Variants in NXPH1 observed in about 807,000 individuals in gnomAD.
The protein encoded by NXPH1 is neurexophilin-1.
NXPH1 carries 5 observed loss-of-function variants against 23.7 expected under a neutral mutation model. The observed-to-expected ratio is 0.21, with a 90% confidence interval of 0.11 to 0.44. The LOEUF (loss-of-function observed/expected upper bound fraction) is 0.44. Ranked by LOEUF, NXPH1 falls within the 20% of genes least tolerant of loss-of-function variation. The probability of loss-of-function intolerance (pLI) is 0.99; values close to 1 mark genes in which losing one functional copy is unlikely to be tolerated. For missense variants in NXPH1, 324 were observed against 321.6 expected, an observed-to-expected ratio of 1.01 and a Z score of -0.06; for synonymous variants, 144 against 122.2, an observed-to-expected ratio of 1.18 and a Z score of -1.18.
intron 2 of NXPH1, among the ~76,000 whole-genome samples, chr7:8,445,646 A>G (rs993242518): frequency 6.6e-6 from 1 of 152,258 alleles, no homozygotes; most frequent in Non-Finnish European, 1.5e-5. Flanking sequence ...TCCTGGTTTT[A>G]AAGAGCCTTT....
Position 8,751,313 on chromosome 7 carries a change from A to T in NXPH1, c.360A>T (p.Gly120=). 1.9e-6 allele frequency: 3 copies of T among 1,613,954 alleles called. No individual in the cohort carries two copies. The highest frequency in any genetic ancestry group is 2.5e-6 in the Non-Finnish European group (3 of 1,179,862). The part of the protein sequence containing the change: ...VKTGKFKKMF[G]WGDFHSNIKT... ...CGGGCAAGTTTAAGAAAATGTTTGG[A>T]TGGGGCGATTTTCATTCCAACATCA... Residue 120 remains glycine, a synonymous_variant, in exon 3 of 3, where the codon GGA becomes GGT. Coordinates refer to ENST00000405863, the MANE Select transcript of NXPH1 (RefSeq NM_152745.3). The surrounding 1 kb of genome is among the most constrained non-coding windows in gnomAD (Gnocchi z 4.5).
chr7:8,550,540 T>G (rs1022163151), intron 2 of NXPH1, among the ~76,000 whole-genome samples: 1 of 151,532 alleles, frequency 6.6e-6, no homozygotes, highest in African/African-American at 2.4e-5. Context: ...GTGCTTCTGT[T>G]TTTCATTGAC....
intron 2 of NXPH1, among the ~76,000 whole-genome samples, chr7:8,558,214 CTGTT>C (rs1458126005): frequency 6.7e-6 from 1 of 148,218 alleles, no homozygotes; most frequent in African/African-American, 2.6e-5. Context: ...AAAATTGTAT[CTGTT>C]TATTTGGTTA....
chr7:8,680,089 G>A (rs1221970942), intron 2 of NXPH1, among the ~76,000 whole-genome samples: 1 of 152,246 alleles, frequency 6.6e-6, no homozygotes, highest in Non-Finnish European at 1.5e-5. Context: ...TTCATGACCT[G>A]ATTACTCTCA....
intron 2 of NXPH1, among the ~76,000 whole-genome samples, chr7:8,479,181 T>C: frequency 6.6e-6 from 1 of 152,060 alleles, no homozygotes; most frequent in East Asian, 1.9e-4. Flanking sequence ...AAACAGCAGA[T>C]TTAATAAAAT....
At chr7:8,676,392 A>C (rs1439507696) in intron 2 of NXPH1, among the ~76,000 whole-genome samples, 1 of 151,910 alleles carries the variant, frequency 6.6e-6, no homozygotes, top group Non-Finnish European at 1.5e-5. Context: ...TTTGCATAAC[A>C]CTCCACCTGA....
At chr7:8,668,474 C>G (rs899030123) in intron 2 of NXPH1, among the ~76,000 whole-genome samples, 2 of 152,196 alleles carry the variant, frequency 1.3e-5, no homozygotes, top group Non-Finnish European at 2.9e-5. Context: ...TTGGGTTCAG[C>G]AGGTAGGCAA....
chr7:8,523,987 G>A (rs1408114592), intron 2 of NXPH1, among the ~76,000 whole-genome samples: 3 of 152,132 alleles, frequency 2.0e-5, no homozygotes, highest in African/African-American at 7.2e-5. Flanking sequence ...GCTCATGCCT[G>A]TAATCCCAGC....
rs186541151 is a variant in NXPH1 at position 8,652,136 on chromosome 7, G to T, written c.55-98872G>T. 1.4e-4 allele frequency among the ~76,000 whole-genome samples: 21 copies of T among 151,978 alleles called. 1 individual carries two copies. Among genetic ancestry groups the T allele is most frequent in the Middle Eastern group, 6.8e-3 (2 of 292 alleles). ...CTAGCTTCAATCTCAACCTTTACTT[G>T]ACAAAATAAGTCTTCCATGTAAACA... On this transcript the variant is annotated intron_variant, in intron 2 of 2. Coordinates refer to ENST00000405863, the MANE Select transcript of NXPH1 (RefSeq NM_152745.3).
At chr7:8,501,123 T>C (rs1048426950) in intron 2 of NXPH1, among the ~76,000 whole-genome samples, 13 of 152,054 alleles carry the variant, frequency 8.5e-5, no homozygotes, top group African/African-American at 3.1e-4. Context: ...CTTTGAAAAA[T>C]CTATCAGCTG....
intron 2 of NXPH1, among the ~76,000 whole-genome samples, chr7:8,708,181 G>T (rs1342089754): frequency 1.3e-5 from 2 of 152,010 alleles, no homozygotes; most frequent in African/African-American, 4.8e-5. Flanking sequence ...TCTTCACTCA[G>T]AAAAATGATC....
chr7:8,514,721 T>C (rs140217832), intron 2 of NXPH1, among the ~76,000 whole-genome samples: 223 of 152,268 alleles, frequency 1.5e-3, no homozygotes, highest in African/African-American at 4.9e-3. Context: ...AAACAGACAC[T>C]GTGCAAGACT....
intron 2 of NXPH1, among the ~76,000 whole-genome samples, chr7:8,595,070 A>G (rs1161490213): frequency 6.6e-6 from 1 of 152,014 alleles, no homozygotes; most frequent in Non-Finnish European, 1.5e-5. Flanking sequence ...CTGGAGAATT[A>G]TTTGGCCCTA....
In NXPH1 at chr7:8,506,339, A is replaced by G. The variant is rs151270170; in HGVS notation, c.54+70572A>G. ...ATCCAGTGTCCTGAGACCTAGGAGC[A>G]AGGGACATGGGTCTTTCCATGTCTT... On this transcript the variant is annotated intron_variant, in intron 2 of 2. Transcript: ENST00000405863. 4.3e-3 allele frequency among the ~76,000 whole-genome samples: 650 copies of G among 152,220 alleles called. 11 individuals carry two copies. The highest frequency in any genetic ancestry group is 5.2e-3 in the Non-Finnish European group (353 of 67,974).
At chr7:8,694,558 C>A (rs1245079400) in intron 2 of NXPH1, among the ~76,000 whole-genome samples, 1 of 152,158 alleles carries the variant, frequency 6.6e-6, no homozygotes, top group Non-Finnish European at 1.5e-5. Flanking sequence ...CTTAATATTT[C>A]ATTTCTCCTT....
intron 2 of NXPH1, among the ~76,000 whole-genome samples, chr7:8,684,044 A>G (rs937251494): frequency 2.0e-5 from 3 of 152,136 alleles, no homozygotes; most frequent in Non-Finnish European, 2.9e-5. Flanking sequence ...GTAGAGAGAG[A>G]TGAAAGAACT....
intron 2 of NXPH1, among the ~76,000 whole-genome samples, chr7:8,698,812 A>G (rs1422256958): frequency 6.6e-6 from 1 of 152,168 alleles, no homozygotes; most frequent in Non-Finnish European, 1.5e-5. Context: ...ATATCAATGT[A>G]ATTTTCCCAG....
chr7:8,663,128 G>A (rs1375606436), intron 2 of NXPH1, among the ~76,000 whole-genome samples: 2 of 152,046 alleles, frequency 1.3e-5, no homozygotes, highest in African/African-American at 4.8e-5. Flanking sequence ...AAAGCTCTGG[G>A]CTTAAAATTG....
At chr7:8,535,820 G>A (rs555832255) in intron 2 of NXPH1, among the ~76,000 whole-genome samples, 26 of 151,894 alleles carry the variant, frequency 1.7e-4, no homozygotes, top group Non-Finnish European at 3.7e-4. Flanking sequence ...TTTTTCAAAG[G>A]TGGTTGATGT....
Sources: gnomAD v4.1 joint callset for allele counts (sites outside exome capture counted in the v4.1 genomes callset) on GRCh38, gnomAD v4.1.1 for gene constraint, Gnocchi (gnomAD v3.1) non-coding constraint, MANE v1.5 for transcripts, NCBI Gene and HGNC (gene_info 2026-07-23, HGNC 2026-07-21) for gene names.